Variants in ZNF821 observed in about 807,000 individuals in gnomAD.
The protein encoded by ZNF821 is zinc finger protein 821.
A neutral mutation model predicts 44.3 loss-of-function variants in ZNF821; 16 were observed. That is an observed-to-expected ratio of 0.36 (90% CI 0.24 to 0.55). ZNF821 has a LOEUF of 0.55. Ranked by LOEUF, ZNF821 falls within the 20% of genes least tolerant of loss-of-function variation. The pLI, the probability that ZNF821 is intolerant of heterozygous loss-of-function variation, is 0.86. For missense variants in ZNF821, 436 were observed against 547.6 expected, an observed-to-expected ratio of 0.80 and a Z score of 2.03; for synonymous variants, 204 against 197.6, an observed-to-expected ratio of 1.03 and a Z score of -0.27.
chr16:71,873,956 ATTTTTTT>A (rs138380961), intron 3 of ZNF821, among the ~76,000 whole-genome samples: 1 of 123,272 alleles, frequency 8.1e-6, no homozygotes, highest in Non-Finnish European at 1.6e-5. Flanking sequence ...CCCGGCTGGA[ATTTTTTT>A]TTTTTTTTTT....
chr16:71,888,645 T>C (rs989116888), upstream of ZNF821, among the ~76,000 whole-genome samples: 2 of 152,194 alleles, frequency 1.3e-5, no homozygotes, highest in African/African-American at 4.8e-5. Flanking sequence ...CCTATCCTTA[T>C]GCCACTATCA....
rs370208919 is a variant in ZNF821 at position 71,859,998 on chromosome 16, G to A, written c.*20C>T. 4 of 1,550,500 alleles carry A rather than the reference G, an allele frequency of 2.6e-6. No homozygotes were observed. The highest frequency in any genetic ancestry group is 4.5e-5 in the East Asian group (2 of 44,076). On this transcript the variant is annotated 3_prime_UTR_variant, in exon 8 of 8. Coordinates refer to ENST00000425432, the MANE Select transcript of ZNF821 (RefSeq NM_001201552.2). ...GGGTGGGTAGGTAGGTGGGAAGGAGGGCAGGCAGGAGGGTGTGGTTCAGTG... is the reference window on the plus strand; with the variant it reads ...GGGTGGGTAGGTAGGTGGGAAGGAGAGCAGGCAGGAGGGTGTGGTTCAGTG...
rs2033665315 is a variant in ZNF821, at chr16:71,860,145, G to A, written c.1112C>T (p.Pro371Leu). The change falls in exon 8 of 8, where the codon CCT becomes CTT. Residue 371 changes from proline (P) to leucine (L), a missense_variant. Pro to Leu is a moderately conservative substitution (Grantham distance 98, BLOSUM62 -3). Coordinates refer to ENST00000425432, the MANE Select transcript of ZNF821 (RefSeq NM_001201552.2). The surrounding 1 kb of genome is among the most constrained non-coding windows in gnomAD (Gnocchi z 7.3). ...MMLRAQFGQD[P>L]SAMAALAAEM... ...AGCTGCTAAGGCTGCCATGGCAGAA[G>A]GGTCCTGGCCAAACTGAGCTCGCAA... is the stretch of plus-strand genomic sequence containing the variant. The A allele has an allele frequency of 6.2e-7, 1 of 1,614,248 alleles. No homozygotes were observed. Among genetic ancestry groups the A allele is most frequent in the Non-Finnish European group, 8.5e-7 (1 of 1,180,036 alleles).
Position 71,864,144 on chromosome 16 carries a change from C to T in ZNF821, c.411G>A (p.Val137=), listed in dbSNP as rs2034256929. The T allele has an allele frequency of 6.2e-7, 1 of 1,613,990 alleles. No individual in the cohort carries two copies. Among genetic ancestry groups the T allele is most frequent in the Non-Finnish European group, 8.5e-7 (1 of 1,179,874 alleles). ...CGSREQLIAH[V]YQHTAAVVSA... is the part of the protein sequence containing the mutation. ...ACAGCTCCCCCATCCATACCTGGTA[C>T]ACGTGAGCAATCAACTGCTCCCGGC... is the stretch of plus-strand genomic sequence containing the variant. Residue 137 remains valine (V), a synonymous_variant, in exon 6 of 8, where the codon GTG becomes GTA. Coordinates refer to ENST00000425432, the MANE Select transcript of ZNF821 (RefSeq NM_001201552.2).
upstream of ZNF821, chr16:71,884,670 G>C (rs937458627): frequency 6.6e-6 from 1 of 152,172 alleles, no homozygotes; most frequent in African/African-American, 2.4e-5. Context: ...GGCCTTGGTG[G>C]GAGGGGCCAA....
At chr16:71,892,396 A>G (rs1169962019) in intron 1 of ZNF821, among the ~76,000 whole-genome samples, 1 of 147,606 alleles carries the variant, frequency 6.8e-6, no homozygotes, top group Admixed American at 6.8e-5. Context: ...CCTCCCCAGT[A>G]GCTGGGACTA....
Position 71,860,523 on chromosome 16 carries a change from C to G in ZNF821, c.734G>C (p.Arg245Pro), listed in dbSNP as rs748175590. 12 of 1,614,146 alleles carry G rather than the reference C, an allele frequency of 7.4e-6. No homozygotes were observed. The highest frequency in any genetic ancestry group is 1.0e-5 in the Non-Finnish European group (12 of 1,180,038). The change falls in exon 8 of 8, where the codon CGT becomes CCT. Residue 245 changes from arginine (R) to proline (P), a missense_variant. Arg to Pro is a moderately radical substitution (Grantham distance 103). Around this residue, in one of 5 missense-constraint regions of ZNF821, gnomAD observed 68 missense variants for 57.0 expected, o/e 1.19. Coordinates refer to ENST00000425432, the MANE Select transcript of ZNF821 (RefSeq NM_001201552.2). The surrounding 1 kb of genome is among the most constrained non-coding windows in gnomAD (Gnocchi z 7.3). Reference protein sequence around the residue: ...LLVCNNCAAYRKLLEAQTPSV... With the variant: ...LLVCNNCAAYPKLLEAQTPSV... ...GGGAGTCTGGGCTTCCAGCAGTTTA[C>G]GGTAGGCAGCACAGTTGTTGCACAC...
intron 7 of ZNF821, among the ~76,000 whole-genome samples, chr16:71,861,558 T>C (rs1466452057): frequency 6.6e-6 from 1 of 152,244 alleles, no homozygotes; most frequent in Non-Finnish European, 1.5e-5. Flanking sequence ...CTCTTTCTAG[T>C]TGAAGATATT....
chr16:71,875,744 G>A (rs2035742433), intron 3 of ZNF821, among the ~76,000 whole-genome samples: 1 of 152,040 alleles, frequency 6.6e-6, no homozygotes, highest in Admixed American at 6.5e-5. Flanking sequence ...TTACAGGCGT[G>A]AGCCACCACG....
At position 71,860,634 on chromosome 16, in the gene ZNF821, G is replaced by A; in HGVS notation, c.623C>T (p.Pro208Leu). ...LPEVLNMESL[P>L]TVHNEGPSSA... ...GGAGGGACCCTCATTGTGGACTGTGGGTAGGGATTCCATATTTAGTACTTC... is the reference window on the plus strand; with the variant it reads ...GGAGGGACCCTCATTGTGGACTGTGAGTAGGGATTCCATATTTAGTACTTC... Residue 208 changes from proline to leucine, a missense_variant, in exon 8 of 8, where the codon CCC becomes CTC. By Grantham distance (98) the Pro-to-Leu change is moderately conservative. Around this residue, in one of 5 missense-constraint regions of ZNF821, gnomAD observed 238 missense variants for 281.4 expected, o/e 0.85. Transcript: ENST00000425432. This position sits in a 1 kb window ranked among gnomAD's most constrained non-coding sequence, Gnocchi z 7.3. 6.2e-7 allele frequency: 1 copy of A among 1,613,948 alleles called. No individual in the cohort carries two copies. The highest frequency in any genetic ancestry group is 8.5e-7 in the Non-Finnish European group (1 of 1,179,986).
At chr16:71,862,035 T>C in intron 6 of ZNF821, 93 bp from the exon 7 acceptor site, 1 of 1,437,516 alleles carries the variant, frequency 7.0e-7, no homozygotes, top group Non-Finnish European at 9.6e-7. Flanking sequence ...GTCCCCTTTC[T>C]TTAGTCTCAG....
At chr16:71,895,080 C>A in exon 1 of ZNF821, 2 of 407,856 alleles carry the variant, frequency 4.9e-6, no homozygotes, top group Non-Finnish European at 9.0e-6. Flanking sequence ...GGCTTCGAAA[C>A]CCCCTCGGCC....
rs1471925378 is a variant in ZNF821, at chr16:71,860,223, C to T, written c.1034G>A (p.Arg345Gln). ...CTTGAGCCGCTTGGCCTCTCGCTCT[C>T]GGATGAGCCGGGCCTGCCGCTTTTC... ...TPEKRQARLI[R>Q]EREAKRLKRR... The change falls in exon 8 of 8, where the codon CGA becomes CAA. Residue 345 changes from arginine to glutamine, a missense_variant. Physicochemically the swap from Arg to Gln is conservative, Grantham distance 43 (BLOSUM62 1). Coordinates refer to ENST00000425432, the MANE Select transcript of ZNF821 (RefSeq NM_001201552.2). This position sits in a 1 kb window ranked among gnomAD's most constrained non-coding sequence, Gnocchi z 7.3. 3.1e-6 allele frequency: 5 copies of T among 1,614,242 alleles called. No individual in the cohort carries two copies. Among genetic ancestry groups the T allele is most frequent in the South Asian group, 1.1e-5 (1 of 91,082 alleles).
chr16:71,894,661 G>T, intron 1 of ZNF821: 1 of 551,910 alleles, frequency 1.8e-6, no homozygotes, highest in South Asian at 2.1e-5. Context: ...GAGTAGCTGA[G>T]ACCACAAGTG....
chr16:71,868,126 A>G, intron 3 of ZNF821, 89 bp from the exon 4 acceptor site: 1 of 1,435,328 alleles, frequency 7.0e-7, no homozygotes, highest in Non-Finnish European at 9.3e-7. Context: ...ATTCAAAGGT[A>G]GGAGACAGGC....
At chr16:71,872,759 C>T (rs945049603) in intron 3 of ZNF821, among the ~76,000 whole-genome samples, 1 of 152,178 alleles carries the variant, frequency 6.6e-6, no homozygotes, top group Admixed American at 6.6e-5. Flanking sequence ...ATTTACTTCA[C>T]GAGGATGCTA....
chr16:71,867,787 G>A, intron 4 of ZNF821, 125 bp downstream of exon 4: 3 of 1,314,590 alleles, frequency 2.3e-6, no homozygotes, highest in Non-Finnish European at 3.1e-6. Context: ...TGGGGACACT[G>A]AGGATCCACA....
intron 4 of ZNF821, 59 bp downstream of exon 4, chr16:71,867,853 A>G (rs1207229446): frequency 1.3e-6 from 2 of 1,523,536 alleles, no homozygotes; most frequent in Non-Finnish European, 1.8e-6. Flanking sequence ...CAGAGCACAC[A>G]CACTCTGATA....
chr16:71,882,397 T>C (rs1364890701), intron 2 of ZNF821: 6 of 152,186 alleles, frequency 3.9e-5, no homozygotes, highest in Admixed American at 3.9e-4. Context: ...GACTAATTTT[T>C]ATATTTTCTC....
Sources: allele counts gnomAD v4.1 joint callset (sites outside exome capture counted in the v4.1 genomes callset), GRCh38; gene constraint gnomAD v4.1.1; regional missense constraint gnomAD v4.1.1; non-coding constraint Gnocchi (gnomAD v3.1); transcripts MANE v1.5; gene names NCBI Gene and HGNC (gene_info 2026-07-23, HGNC 2026-07-21).